Variants in SHANK2 observed in about 807,000 individuals in gnomAD.
SHANK2 encodes SH3 and multiple ankyrin repeat domains protein 2.
Under a neutral mutation model 133.7 loss-of-function variants are expected in SHANK2, and 43 were observed. The ratio of observed to expected loss-of-function variants is 0.32; its 90% CI spans 0.25 to 0.41. The LOEUF is 0.41. Ranked by LOEUF, SHANK2 falls within the 10% of genes least tolerant of loss-of-function variation. The pLI is 1.00. For missense variants in SHANK2, 1,994 were observed against 2,235.8 expected, an observed-to-expected ratio of 0.89 and a Z score of 2.18; for synonymous variants, 1,017 against 952.8, an observed-to-expected ratio of 1.07 and a Z score of -1.24.
chr11:70,716,350 G>A (rs1319805412), intron 14 of SHANK2, among the ~76,000 whole-genome samples: 1 of 152,198 alleles, frequency 6.6e-6, no homozygotes, highest in African/African-American at 2.4e-5. Flanking sequence ...AGGAATGGGT[G>A]GGGGCGGGAG....
rs182407067 is a variant in SHANK2 at position 71,234,353 on chromosome 11, C to T, written c.-112-9557G>A. 6.3e-3 allele frequency among the ~76,000 whole-genome samples: 856 copies of T among 135,920 alleles called. 5 individuals carry two copies. Among genetic ancestry groups the T allele is most frequent in the African/African-American group, 0.026 (828 of 32,148 alleles). The allele number at this position is 135,920 out of a possible 152,430, so 89.2% of individuals were successfully genotyped here. ...CTCCAGCCTGGGCAACAGAGCAAGACTCATCTCAAAAATAAATAAATAAAT... is the reference window on the plus strand; with the variant it reads ...CTCCAGCCTGGGCAACAGAGCAAGATTCATCTCAAAAATAAATAAATAAAT... On this transcript the variant is annotated intron_variant, in intron 1 of 25. Coordinates refer to ENST00000601538, the MANE Select transcript of SHANK2 (RefSeq NM_012309.5).
rs377678163 is a variant in SHANK2 at position 70,508,380 on chromosome 11, G to A, written c.2062-5449C>T. On this transcript the variant is annotated intron_variant, in intron 17 of 25. Coordinates refer to ENST00000601538, the MANE Select transcript of SHANK2 (RefSeq NM_012309.5). ...GGCCACCATCAGGGCTAAGTCCTGG[G>A]GCGGGGCAGAGTCTGCCCCCTGCCC... Among the ~76,000 whole-genome samples the A allele has an allele frequency of 2.6e-5, 4 of 152,322 alleles. No homozygotes were observed. The East Asian group carries it at 7.7e-4, about 29-fold the overall frequency.
At chr11:70,734,105 C>A (rs1272600244) in intron 14 of SHANK2, among the ~76,000 whole-genome samples, 2 of 152,044 alleles carry the variant, frequency 1.3e-5, no homozygotes, top group African/African-American at 2.4e-5. Context: ...CAGGAGGCAC[C>A]CCCTGAGCCG....
At chr11:70,933,121 A>G (rs1181386946) in intron 10 of SHANK2, 17 of 456,510 alleles carry the variant, frequency 3.7e-5, no homozygotes, top group Non-Finnish European at 7.1e-5. Context: ...CTCAGTGTCC[A>G]CCGGCAGATA....
At chr11:70,580,643 G>A (rs1450624618) in intron 17 of SHANK2, among the ~76,000 whole-genome samples, 5 of 152,220 alleles carry the variant, frequency 3.3e-5, no homozygotes, top group Non-Finnish European at 5.9e-5. Flanking sequence ...GGACAGCGCC[G>A]TGGCACTGGC....
chr11:70,876,628 T>C (rs1171620890), intron 11 of SHANK2, among the ~76,000 whole-genome samples: 8 of 150,336 alleles, frequency 5.3e-5, no homozygotes, highest in Non-Finnish European at 1.2e-4. Flanking sequence ...CACACATGCA[T>C]ACACATGCAT....
intron 17 of SHANK2, among the ~76,000 whole-genome samples, chr11:70,526,331 G>T (rs1554972116): frequency 6.6e-6 from 1 of 152,194 alleles, no homozygotes; most frequent in Non-Finnish European, 1.5e-5. Flanking sequence ...ACAAGAGACT[G>T]ATTTCAGTGA....
chr11:70,471,699 A>T lies in SHANK2; in HGVS notation c.*1170T>A. On this transcript the variant is annotated 3_prime_UTR_variant, in exon 26 of 26. Coordinates refer to ENST00000601538, the MANE Select transcript of SHANK2 (RefSeq NM_012309.5). This position sits in a 1 kb window ranked among gnomAD's most constrained non-coding sequence, Gnocchi z 4.1. ...GGGATTCCTAGACACCCAGAGCGAT[A>T]GGGGAAAAGCCTCTAAGTACCATCT... 1 of 297,044 alleles carries T rather than the reference A, an allele frequency of 3.4e-6. No individual in the cohort carries two copies. The highest frequency in any genetic ancestry group is 6.2e-6 in the Non-Finnish European group (1 of 162,576). The allele number at this position is 297,044 out of a possible 1,614,324, so 18.4% of individuals were successfully genotyped here.
chr11:70,617,110 TGA>T (rs1205035028), intron 17 of SHANK2, among the ~76,000 whole-genome samples: 4 of 152,042 alleles, frequency 2.6e-5, no homozygotes, highest in Middle Eastern at 3.4e-3. Context: ...TGTATGTGTG[TGA>T]GTGTGACTGA....
intron 14 of SHANK2, among the ~76,000 whole-genome samples, chr11:70,753,954 G>A (rs1203118273): frequency 6.6e-6 from 1 of 152,152 alleles, no homozygotes; most frequent in Non-Finnish European, 1.5e-5. Flanking sequence ...TAAGATTACA[G>A]GCGTGCACCA....
Position 71,211,636 on chromosome 11 carries a change from C to A in SHANK2, c.-13+13061G>T, listed in dbSNP as rs550761006. 3.1e-3 allele frequency among the ~76,000 whole-genome samples: 409 copies of A among 132,662 alleles called. 5 individuals are homozygous for A. The highest frequency in any genetic ancestry group is 0.012 in the African/African-American group (389 of 32,900). 87.0% of individuals were successfully genotyped at this position (132,662 alleles called of 152,430 possible). A position where few individuals can be genotyped will look rare whatever the true frequency, so the allele number is the denominator to read the frequency against. The stretch of plus-strand genomic sequence containing the variant: ...TCTATCACCACAATCCATTTTTGAG[C>A]ATTTGCAAAAAAAAAAAAAAAAAAT... On this transcript the variant is annotated intron_variant, in intron 2 of 25. Coordinates refer to ENST00000601538, the MANE Select transcript of SHANK2 (RefSeq NM_012309.5).
chr11:70,952,405 G>A (rs965969561), intron 10 of SHANK2, among the ~76,000 whole-genome samples: 4 of 152,208 alleles, frequency 2.6e-5, no homozygotes, highest in Non-Finnish European at 4.4e-5. Context: ...TGTGGAAACC[G>A]TAGTCCTTTG....
intron 14 of SHANK2, among the ~76,000 whole-genome samples, chr11:70,707,735 G>T (rs1945696657): frequency 6.6e-6 from 1 of 152,290 alleles, no homozygotes; most frequent in Middle Eastern, 3.4e-3. Context: ...TCCGGCCTGG[G>T]GAAGCCGTCG....
chr11:71,107,930 C>G (rs1156540242), intron 6 of SHANK2, among the ~76,000 whole-genome samples: 3 of 152,210 alleles, frequency 2.0e-5, no homozygotes, highest in African/African-American at 7.2e-5. Flanking sequence ...CCTTCTACTG[C>G]TGGCCAGGCC....
chr11:70,634,904 T>G (rs2061051476), intron 17 of SHANK2: 1 of 152,208 alleles, frequency 6.6e-6, no homozygotes, highest in Non-Finnish European at 1.5e-5. Flanking sequence ...GAATAGACAT[T>G]TCTCCAAAGA....
At chr11:70,708,326 G>A (rs555469319) in intron 14 of SHANK2, among the ~76,000 whole-genome samples, 1 of 151,440 alleles carries the variant, frequency 6.6e-6, no homozygotes, top group South Asian at 2.1e-4. Context: ...CCTGATGGAC[G>A]GCCCTGGACA....
chr11:70,820,893 C>T (rs1365099872), intron 11 of SHANK2, among the ~76,000 whole-genome samples: 5 of 152,114 alleles, frequency 3.3e-5, no homozygotes, highest in African/African-American at 7.2e-5. Flanking sequence ...AGGCTGGGGA[C>T]GGAGAACATC....
At chr11:70,875,021 G>A (rs1949534934) in intron 11 of SHANK2, among the ~76,000 whole-genome samples, 1 of 152,074 alleles carries the variant, frequency 6.6e-6, no homozygotes, top group Non-Finnish European at 1.5e-5. Context: ...TTCACTAAAG[G>A]ATACATTATA....
At chr11:71,071,316 T>C (rs1766314614) in intron 9 of SHANK2, among the ~76,000 whole-genome samples, 2 of 152,332 alleles carry the variant, frequency 1.3e-5, no homozygotes, top group African/African-American at 4.8e-5. Context: ...CACAGCTGCA[T>C]ACAAACTACA....
Sources: allele counts gnomAD v4.1 joint callset (sites outside exome capture counted in the v4.1 genomes callset), GRCh38; gene constraint gnomAD v4.1.1; non-coding constraint Gnocchi (gnomAD v3.1); transcripts MANE v1.5; gene names NCBI Gene and HGNC (gene_info 2026-07-23, HGNC 2026-07-21).